PPARGC1A: variants seen among roughly 807,000 people sequenced by gnomAD.
The protein encoded by PPARGC1A is peroxisome proliferator-activated receptor gamma coactivator 1-alpha.
In PPARGC1A, 25 loss-of-function variants were observed where a neutral mutation model predicts 88.7. The observed-to-expected ratio is 0.28, with a 90% CI of 0.21 to 0.39. The LOEUF (loss-of-function observed/expected upper bound fraction) is 0.39, where lower values mean the gene tolerates loss of function less well. PPARGC1A is among the 10% of genes least tolerant of loss of function. The probability of loss-of-function intolerance (pLI) is 1.00; values close to 1 mark genes in which losing one functional copy is unlikely to be tolerated. For synonymous variants in PPARGC1A, 363 were observed against 355.6 expected, an observed-to-expected ratio of 1.02 and a Z score of -0.24; for missense variants, 880 against 968.7, an observed-to-expected ratio of 0.91 and a Z score of 1.22.
chr4:24,455,026 C>A, the PPARGC1A span, among the ~76,000 whole-genome samples: 1 of 152,106 alleles, frequency 6.6e-6, no homozygotes, highest in African/African-American at 2.4e-5. Flanking sequence ...CGATGAAATA[C>A]ACGAGAGAAG....
At chr4:24,265,179 C>T in the PPARGC1A span, among the ~76,000 whole-genome samples, 1 of 152,132 alleles carries the variant, frequency 6.6e-6, no homozygotes, top group Non-Finnish European at 1.5e-5. Context: ...AATATATACC[C>T]TATTTGGTTC....
chr4:23,968,057 G>A, the PPARGC1A span, among the ~76,000 whole-genome samples: 2 of 152,116 alleles, frequency 1.3e-5, no homozygotes, highest in Admixed American at 6.5e-5. Context: ...CCATGGCCAG[G>A]TCCTCTCTCT....
chr4:24,078,061 A>T, the PPARGC1A span, among the ~76,000 whole-genome samples: 2 of 151,914 alleles, frequency 1.3e-5, no homozygotes, highest in South Asian at 2.1e-4. Flanking sequence ...TAAATATTTT[A>T]AAAAATGTTT....
At chr4:24,380,900 G>C in the PPARGC1A span, among the ~76,000 whole-genome samples, 47 of 151,978 alleles carry the variant, frequency 3.1e-4, no homozygotes, top group African/African-American at 1.1e-3. Flanking sequence ...TAAACAGCAG[G>C]CTGCATGGAT....
the PPARGC1A span, among the ~76,000 whole-genome samples, chr4:24,355,243 C>A: frequency 6.6e-6 from 1 of 152,160 alleles, no homozygotes; most frequent in Non-Finnish European, 1.5e-5. Flanking sequence ...TGAGGCATGG[C>A]CCAGCATCCA....
chr4:24,070,841 A>G, the PPARGC1A span, among the ~76,000 whole-genome samples: 1 of 152,220 alleles, frequency 6.6e-6, no homozygotes, highest in Admixed American at 6.5e-5. Context: ...CCGTGAATAA[A>G]GTTTTATTGG....
chr4:23,847,061 C>A (rs1312016114), intron 2 of PPARGC1A, among the ~76,000 whole-genome samples: 1 of 152,078 alleles, frequency 6.6e-6, no homozygotes, highest in Non-Finnish European at 1.5e-5. Context: ...TTCCCTACAC[C>A]CTTGAGCAAT....
chr4:24,324,288 C>T, the PPARGC1A span, among the ~76,000 whole-genome samples: 6 of 152,122 alleles, frequency 3.9e-5, no homozygotes, highest in African/African-American at 1.4e-4. Context: ...TCTCCTTCAC[C>T]CTTAGCGGCA....
chr4:23,814,296 A>G lies in PPARGC1A; in HGVS notation c.1187T>C (p.Ile396Thr), dbSNP rs1343287573. 1 of 1,613,844 alleles carries G rather than the reference A, an allele frequency of 6.2e-7. No homozygotes were observed. Among genetic ancestry groups the G allele is most frequent in the African/African-American group, 1.3e-5 (1 of 74,856 alleles). The change falls in exon 8 of 13, where the codon ATA becomes ACA. Residue 396 changes from isoleucine to threonine, a missense_variant. Transcript: ENST00000264867. ...YCQSINSKTE[I>T]LINISQELQD... ...GAGCTCCTGTGATATATTAATGAGT[A>G]TTTCTGTTTTGGAATTAATTGACTG... is the stretch of plus-strand genomic sequence containing the variant.
At chr4:24,047,187 G>C in the PPARGC1A span, among the ~76,000 whole-genome samples, 2 of 152,172 alleles carry the variant, frequency 1.3e-5, no homozygotes, top group Non-Finnish European at 2.9e-5. Flanking sequence ...GGTCCCGTCA[G>C]AGTGATGCTC....
chr4:24,406,134 T>C, the PPARGC1A span, among the ~76,000 whole-genome samples: 8 of 152,226 alleles, frequency 5.3e-5, no homozygotes. Flanking sequence ...ATGACTGCAG[T>C]GCTGCACGTA....
At chr4:24,200,655 C>CCAAAAAAAAAAA in the PPARGC1A span, among the ~76,000 whole-genome samples, 1 of 88,316 alleles carries the variant, frequency 1.1e-5, no homozygotes. Flanking sequence ...ATTTATTAAG[C>CCAAAAAAAAAAA]AAAAAAAAAA....
the PPARGC1A span, among the ~76,000 whole-genome samples, chr4:23,916,904 A>G: frequency 3.3e-5 from 5 of 152,228 alleles, no homozygotes; most frequent in African/African-American, 1.2e-4. Flanking sequence ...CATTTTTAAA[A>G]CATGACATTT....
chr4:24,429,651 AT>A, the PPARGC1A span, among the ~76,000 whole-genome samples: 2,159 of 132,208 alleles, frequency 0.016, 20 homozygotes, highest in African/African-American at 0.023. Context: ...GACAGTGAGA[AT>A]TTTTTTTTTT....
chr4:24,390,143 T>C, the PPARGC1A span, among the ~76,000 whole-genome samples: 2 of 151,972 alleles, frequency 1.3e-5, no homozygotes, highest in African/African-American at 4.8e-5. Context: ...AGCAGCCATA[T>C]CCTAAGAGTT....
the PPARGC1A span, among the ~76,000 whole-genome samples, chr4:24,382,529 T>C: frequency 1.3e-5 from 2 of 152,176 alleles, no homozygotes; most frequent in Admixed American, 6.5e-5. Flanking sequence ...TTCTGAAATG[T>C]ATCTAGACAT....
the PPARGC1A span, among the ~76,000 whole-genome samples, chr4:24,290,194 A>G: frequency 6.6e-6 from 1 of 152,012 alleles, no homozygotes; most frequent in Admixed American, 6.6e-5. Flanking sequence ...CAGCCAAACC[A>G]TATCACCTTC....
the PPARGC1A span, among the ~76,000 whole-genome samples, chr4:24,385,715 AC>A: frequency 6.6e-6 from 1 of 152,192 alleles, no homozygotes; most frequent in Non-Finnish European, 1.5e-5. Context: ...CCCTGAATAG[AC>A]CAATAACATG....
the PPARGC1A span, among the ~76,000 whole-genome samples, chr4:24,032,098 T>A: frequency 6.6e-6 from 1 of 152,214 alleles, no homozygotes; most frequent in South Asian, 2.1e-4. Flanking sequence ...GCGATATAGA[T>A]GCTTTCTTAT....
Sources: allele counts gnomAD v4.1 joint callset (sites outside exome capture counted in the v4.1 genomes callset), GRCh38; gene constraint gnomAD v4.1.1; transcripts MANE v1.5; gene names NCBI Gene and HGNC (gene_info 2026-07-23, HGNC 2026-07-21).